Variants in ARPC1A observed in about 807,000 individuals in gnomAD.
The protein encoded by ARPC1A is actin related protein 2/3 complex subunit 1A, also known as actin-related protein 2/3 complex subunit 1A.
ARPC1A carries 8 observed loss-of-function variants against 46.9 expected under a neutral mutation model. That is an observed-to-expected ratio of 0.17 (90% CI 0.10 to 0.31). The LOEUF (loss-of-function observed/expected upper bound fraction) is 0.31. ARPC1A is among the 10% of genes least tolerant of loss of function. The pLI is 1.00. For missense variants in ARPC1A, 286 were observed against 483.6 expected, an observed-to-expected ratio of 0.59 and a Z score of 3.83; for synonymous variants, 152 against 169.0, an observed-to-expected ratio of 0.90 and a Z score of 0.78.
chr7:99,353,167 T>C (rs1793574935), intron 5 of ARPC1A, among the ~76,000 whole-genome samples: 1 of 139,914 alleles, frequency 7.1e-6, no homozygotes, highest in South Asian at 2.3e-4. Context: ...TGTTATGTTA[T>C]GTTATTTTAG....
chr7:99,342,597 TAAATA>T lies in ARPC1A; in HGVS notation c.170-1688_170-1684del, dbSNP rs908600827. Among the ~76,000 whole-genome samples, 105 of 151,754 alleles carry T rather than the reference TAAATA, an allele frequency of 6.9e-4. 1 individual carries two copies. The highest frequency in any genetic ancestry group is 2.4e-3 in the African/African-American group (99 of 41,400). On this transcript the variant is annotated intron_variant, in intron 3 of 9. Transcript: ENST00000262942. The stretch of plus-strand genomic sequence containing the variant: ...GCAAGCAAAATTATCTTGTAATGAA[TAAATA>T]AAATAAACATCACTTAGAACACATT...
At chr7:99,363,378 A>G in intron 8 of ARPC1A, 165 bp from the exon 9 acceptor site, 1 of 606,056 alleles carries the variant, frequency 1.7e-6, no homozygotes, top group Non-Finnish European at 2.9e-6. Context: ...CCAGGAGTTC[A>G]AGACCAGCTT....
At chr7:99,340,164 GTTT>G (rs1793334481) in intron 3 of ARPC1A, among the ~76,000 whole-genome samples, 2 of 151,784 alleles carry the variant, frequency 1.3e-5, no homozygotes, top group African/African-American at 4.8e-5. Flanking sequence ...TTGTTTGTTT[GTTT>G]GTTTGTTTGT....
At position 99,366,062 on chromosome 7, in the gene ARPC1A, T is replaced by A. The variant is rs1793836160; in HGVS notation, c.*133T>A. On this transcript the variant is annotated 3_prime_UTR_variant, in exon 10 of 10. Coordinates refer to ENST00000262942, the MANE Select transcript of ARPC1A (RefSeq NM_006409.4). Reference sequence around the variant, plus strand: ...TCACGCCAATGCCGTGTGGTTTTGTTTGAATATAAAATTGGTGAAAGTGTT... The same window carrying A: ...TCACGCCAATGCCGTGTGGTTTTGTATGAATATAAAATTGGTGAAAGTGTT... 1 of 1,126,310 alleles carries A rather than the reference T, an allele frequency of 8.9e-7. No homozygotes were observed. Among genetic ancestry groups the A allele is most frequent in the Non-Finnish European group, 1.2e-6 (1 of 811,036 alleles). 69.8% of individuals were successfully genotyped at this position (1,126,310 alleles called of 1,614,324 possible).
At chr7:99,362,258 C>T (rs915386060) in intron 8 of ARPC1A, among the ~76,000 whole-genome samples, 10 of 151,560 alleles carry the variant, frequency 6.6e-5, no homozygotes, top group African/African-American at 1.9e-4. Context: ...CGCACCACTG[C>T]ACTCCAGCCT....
Position 99,333,365 on chromosome 7 carries a change from T to A in ARPC1A, c.12T>A (p.His4Gln). MSL[H>Q]QFLLEPITCH... is the part of the protein sequence containing the mutation. ...AAACACTAAGAATAATGTCACTGCA[T>A]CAGTTTTTACTAGAGCCAATCACCT... The change falls in exon 2 of 10, where the codon CAT becomes CAA. Residue 4 changes from histidine (H) to glutamine (Q), a missense_variant. His to Gln is a conservative substitution (Grantham distance 24, BLOSUM62 0). Around this residue, in one of 5 missense-constraint regions of ARPC1A, gnomAD observed 55 missense variants for 59.4 expected, o/e 0.93. Transcript: ENST00000262942. The A allele has an allele frequency of 6.2e-7, 1 of 1,613,544 alleles. No individual in the cohort carries two copies. The highest frequency in any genetic ancestry group is 8.5e-7 in the Non-Finnish European group (1 of 1,179,588).
chr7:99,364,984 T>C (rs913006818), intron 9 of ARPC1A, among the ~76,000 whole-genome samples: 3 of 152,024 alleles, frequency 2.0e-5, no homozygotes, highest in Non-Finnish European at 4.4e-5. Flanking sequence ...AGCGGCATCC[T>C]GAGTTGCGAT....
chr7:99,338,120 T>G, intron 2 of ARPC1A, 61 bp from the exon 3 acceptor site: 1 of 1,279,828 alleles, frequency 7.8e-7, no homozygotes, highest in East Asian at 2.4e-5. Context: ...CTGTGACATG[T>G]CCCCTTTTTG....
chr7:99,359,527 G>T lies in ARPC1A; in HGVS notation c.790-18G>T. The T allele has an allele frequency of 1.2e-6, 2 of 1,613,150 alleles. No homozygotes were observed. Among genetic ancestry groups the T allele is most frequent in the South Asian group, 1.1e-5 (1 of 90,980 alleles). ...GTGGGCAGTGCATCCTCCAGGGACT[G>T]ACTGAGTCTTGTTTCAGGGCCATGA... On this transcript the variant is annotated intron_variant, in intron 7 of 9. Transcript: ENST00000262942.
chr7:99,358,022 C>T (rs1254342491), intron 6 of ARPC1A, among the ~76,000 whole-genome samples: 2 of 152,162 alleles, frequency 1.3e-5, no homozygotes, highest in African/African-American at 2.4e-5. Flanking sequence ...GCGGAAGTGG[C>T]CCGGGAAAGT....
chr7:99,348,774 T>C, intron 4 of ARPC1A, 78 bp from the exon 5 acceptor site: 1 of 1,092,914 alleles, frequency 9.1e-7, no homozygotes, highest in South Asian at 1.6e-5. Context: ...CTTAGGTATT[T>C]TCACCTGACA....
At chr7:99,362,547 T>C (rs1793764296) in intron 8 of ARPC1A, among the ~76,000 whole-genome samples, 1 of 150,074 alleles carries the variant, frequency 6.7e-6, no homozygotes, top group African/African-American at 2.5e-5. Context: ...TTTCACTGTG[T>C]TAGTCAGGAT....
At chr7:99,341,466 G>A (rs560257127) in intron 3 of ARPC1A, among the ~76,000 whole-genome samples, 1 of 152,128 alleles carries the variant, frequency 6.6e-6, no homozygotes, top group African/African-American at 2.4e-5. Flanking sequence ...AAAATTAGCT[G>A]GGCGTGGTGG....
intron 6 of ARPC1A, among the ~76,000 whole-genome samples, chr7:99,357,502 T>A (rs1246531337): frequency 9.2e-5 from 14 of 151,626 alleles, no homozygotes; most frequent in East Asian, 7.8e-4. Flanking sequence ...TTTTTTTTTT[T>A]AATTTTTCGT....
intron 6 of ARPC1A, among the ~76,000 whole-genome samples, chr7:99,355,223 G>A (rs543285685): frequency 5.3e-5 from 8 of 151,372 alleles, no homozygotes; most frequent in East Asian, 2.0e-4. Flanking sequence ...CAGAGGTTGC[G>A]GTGAGCCGAG....
rs1475283881 is a variant in ARPC1A at position 99,366,210 on chromosome 7, AGG to A, written c.*283_*284del. Reference sequence around the variant, plus strand: ...TCACACTAACTTAAAAGACAGGGTGAGGGAGATATGTAAATTGTCCACTAGAA... The same window carrying A: ...TCACACTAACTTAAAAGACAGGGTGAGAGATATGTAAATTGTCCACTAGAA... On this transcript the variant is annotated 3_prime_UTR_variant, in exon 10 of 10. Transcript: ENST00000262942. 2.8e-5 allele frequency: 11 copies of A among 390,738 alleles called. No individual in the cohort carries two copies. The highest frequency in any genetic ancestry group is 2.2e-4 in the Admixed American group (5 of 22,622). The allele number at this position is 390,738 out of a possible 1,614,324, so 24.2% of individuals were successfully genotyped here. A position where few individuals can be genotyped will look rare whatever the true frequency, so the allele number is the denominator to read the frequency against.
At chr7:99,331,970 C>T (rs1187820439) in intron 1 of ARPC1A, among the ~76,000 whole-genome samples, 1 of 152,164 alleles carries the variant, frequency 6.6e-6, no homozygotes, top group Non-Finnish European at 1.5e-5. Context: ...ATTTGGTTTT[C>T]ATAGCTCTCT....
intron 5 of ARPC1A, among the ~76,000 whole-genome samples, chr7:99,349,697 G>A (rs868113365): frequency 8.5e-5 from 13 of 152,178 alleles, no homozygotes; most frequent in African/African-American, 2.4e-4. Flanking sequence ...AAAATTAGCC[G>A]GGCGTGGTGG....
chr7:99,337,414 A>G (rs1481769550), intron 2 of ARPC1A, among the ~76,000 whole-genome samples: 1 of 152,104 alleles, frequency 6.6e-6, no homozygotes, highest in Non-Finnish European at 1.5e-5. Flanking sequence ...AGAGCAAAAC[A>G]CTATCTCAAA....
Sources: gnomAD v4.1 joint callset for allele counts (sites outside exome capture counted in the v4.1 genomes callset) on GRCh38, gnomAD v4.1.1 for gene constraint, gnomAD v4.1.1 regional missense constraint, MANE v1.5 for transcripts, NCBI Gene and HGNC (gene_info 2026-07-23, HGNC 2026-07-21) for gene names.